GPATCH2: variants seen among roughly 807,000 people sequenced by gnomAD.
GPATCH2 encodes the protein G patch domain-containing protein 2.
Under a neutral mutation model 58.0 loss-of-function variants are expected in GPATCH2, and 51 were observed. That is an observed-to-expected ratio of 0.88 (90% CI 0.70 to 1.11). The LOEUF (loss-of-function observed/expected upper bound fraction) is 1.11. Among genes scored for constraint, GPATCH2 ranks in the 50% most tolerant of loss-of-function variants. The pLI is 0.00. For missense variants in GPATCH2, 625 were observed against 652.2 expected (o/e 0.96, Z 0.45); for synonymous variants, 222 against 218.5 (o/e 1.02, Z -0.14).
chr1:217,509,498 C>T (rs1381182575), intron 6 of GPATCH2, among the ~76,000 whole-genome samples: 1 of 152,180 alleles, frequency 6.6e-6, no homozygotes, highest in Non-Finnish European at 1.5e-5. Flanking sequence ...GGTGATTTGT[C>T]TTATATCTTC....
chr1:217,532,979 G>C (rs1443661527), intron 5 of GPATCH2, among the ~76,000 whole-genome samples: 2 of 143,466 alleles, frequency 1.4e-5, no homozygotes, highest in South Asian at 2.2e-4. Flanking sequence ...GCTCACTGCA[G>C]CCTTGACCTC....
At chr1:217,495,706 A>G (rs1458176331) in intron 7 of GPATCH2, among the ~76,000 whole-genome samples, 2 of 152,190 alleles carry the variant, frequency 1.3e-5, no homozygotes, top group Admixed American at 6.5e-5. Context: ...ACATAGTATA[A>G]TTACTGCTTA....
At chr1:217,588,457 T>C (rs1417884431) in intron 5 of GPATCH2, among the ~76,000 whole-genome samples, 1 of 152,188 alleles carries the variant, frequency 6.6e-6, no homozygotes, top group Non-Finnish European at 1.5e-5. Flanking sequence ...GGATGATCTC[T>C]TCATTAGAAA....
intron 8 of GPATCH2, among the ~76,000 whole-genome samples, chr1:217,476,171 T>G (rs1352584948): frequency 2.6e-5 from 4 of 152,058 alleles, no homozygotes; most frequent in Non-Finnish European, 4.4e-5. Flanking sequence ...CAGATAATCA[T>G]ATTAATGAAA....
At chr1:217,466,523 C>T (rs1426459321) in intron 8 of GPATCH2, among the ~76,000 whole-genome samples, 1 of 151,864 alleles carries the variant, frequency 6.6e-6, no homozygotes, top group Non-Finnish European at 1.5e-5. Flanking sequence ...CCATGCCTGG[C>T]TAAAAATGGA....
At chr1:217,558,528 C>T (rs1341343215) in intron 5 of GPATCH2, among the ~76,000 whole-genome samples, 3 of 152,186 alleles carry the variant, frequency 2.0e-5, no homozygotes, top group Admixed American at 6.5e-5. Context: ...AAGAAGTCCA[C>T]AAGCCATCCT....
intron 5 of GPATCH2, among the ~76,000 whole-genome samples, chr1:217,539,006 T>A (rs561914245): frequency 6.6e-6 from 1 of 152,320 alleles, no homozygotes; most frequent in African/African-American, 2.4e-5. Context: ...TGGACAAGAT[T>A]TGCCATTTGG....
chr1:217,627,504 C>T (rs1669526991), intron 1 of GPATCH2, among the ~76,000 whole-genome samples: 1 of 151,898 alleles, frequency 6.6e-6, no homozygotes, highest in African/African-American at 2.4e-5. Context: ...GACCTATTTC[C>T]ACCTTAAAAA....
intron 5 of GPATCH2, among the ~76,000 whole-genome samples, chr1:217,523,161 A>T (rs1205821197): frequency 6.6e-6 from 1 of 151,684 alleles, no homozygotes; most frequent in African/African-American, 2.4e-5. Context: ...GAAGAAAAAA[A>T]ATTTCAGTTT....
At chr1:217,526,276 T>G (rs1230398965) in intron 5 of GPATCH2, among the ~76,000 whole-genome samples, 6 of 152,214 alleles carry the variant, frequency 3.9e-5, no homozygotes, top group Admixed American at 3.9e-4. Context: ...CTTAAAATAT[T>G]GTTCTGTACA....
chr1:217,554,245 C>T (rs1168459680), intron 5 of GPATCH2, among the ~76,000 whole-genome samples: 1 of 152,178 alleles, frequency 6.6e-6, no homozygotes, highest in Non-Finnish European at 1.5e-5. Flanking sequence ...TCATCACCTA[C>T]TACAGAAAGT....
chr1:217,528,396 G>T (rs1052100474), intron 5 of GPATCH2, among the ~76,000 whole-genome samples: 4 of 152,080 alleles, frequency 2.6e-5, no homozygotes, highest in Non-Finnish European at 4.4e-5. Context: ...CCTGTATCAA[G>T]AGCTTGAAGA....
At chr1:217,522,611 T>C (rs1302621126) in intron 5 of GPATCH2, among the ~76,000 whole-genome samples, 1 of 152,194 alleles carries the variant, frequency 6.6e-6, no homozygotes, top group Non-Finnish European at 1.5e-5. Context: ...CTTTTATGAA[T>C]AAATGACAAA....
intron 5 of GPATCH2, among the ~76,000 whole-genome samples, chr1:217,560,005 T>C (rs1665841778): frequency 1.3e-5 from 2 of 152,048 alleles, no homozygotes; most frequent in South Asian, 4.1e-4. Flanking sequence ...CACGCCACCA[T>C]GCCTGGCTAA....
intron 5 of GPATCH2, among the ~76,000 whole-genome samples, chr1:217,565,768 C>A (rs913454520): frequency 2.6e-5 from 4 of 151,972 alleles, no homozygotes; most frequent in Admixed American, 6.6e-5. Context: ...AAAAAAAGTT[C>A]TATGCTTTTC....
intron 5 of GPATCH2, among the ~76,000 whole-genome samples, chr1:217,590,246 G>A (rs993600973): frequency 2.0e-5 from 3 of 151,592 alleles, no homozygotes; most frequent in African/African-American, 4.8e-5. Flanking sequence ...GGTCTTGAAC[G>A]CCTGACCTCA....
intron 3 of GPATCH2, among the ~76,000 whole-genome samples, chr1:217,612,549 C>A (rs11117897): frequency 0.61 from 91,910 of 151,858 alleles, 28,811 homozygotes; most frequent in African/African-American, 0.68. Context: ...TTTTTCAAAA[C>A]ACACAATTAA....
At chr1:217,623,846 G>A (rs1337959787) in intron 1 of GPATCH2, among the ~76,000 whole-genome samples, 2 of 152,046 alleles carry the variant, frequency 1.3e-5, no homozygotes, top group Non-Finnish European at 2.9e-5. Context: ...AGGTTGCAGT[G>A]AGCTGAGATC....
chr1:217,608,398 A>G, intron 5 of GPATCH2: 1 of 983,798 alleles, frequency 1.0e-6, no homozygotes, highest in Non-Finnish European at 1.2e-6. Context: ...GTATGTCTCC[A>G]TCAAGTGAAA....
Sources: gnomAD v4.1 joint callset for allele counts (sites outside exome capture counted in the v4.1 genomes callset) on GRCh38, gnomAD v4.1.1 for gene constraint, MANE v1.5 for transcripts, NCBI Gene and HGNC (gene_info 2026-07-23, HGNC 2026-07-21) for gene names.